Variants in MAML1 observed in about 807,000 individuals in gnomAD.
MAML1 encodes mastermind-like protein 1.
Under a neutral mutation model 77.1 loss-of-function variants are expected in MAML1, and 14 were observed. That is an observed-to-expected ratio of 0.18 (90% CI 0.12 to 0.28). The LOEUF is 0.28. Among genes scored for constraint, MAML1 ranks in the 10% least tolerant of loss-of-function variants. The pLI is 1.00. For synonymous variants in MAML1, 516 were observed against 551.9 expected (o/e 0.93, Z 0.91); for missense variants, 1,217 against 1,327.8 (o/e 0.92, Z 1.30).
intron 2 of MAML1, among the ~76,000 whole-genome samples, chr5:179,767,452 A>G (rs1779842932): frequency 6.6e-6 from 1 of 152,230 alleles, no homozygotes; most frequent in African/African-American, 2.4e-5. Context: ...ATTTGACATT[A>G]TGTATTTTTC....
chr5:179,774,820 G>T lies in MAML1; in HGVS notation c.2994G>T (p.Lys998Asn). 6.2e-7 allele frequency: 1 copy of T among 1,614,072 alleles called. No individual in the cohort carries two copies. The highest frequency in any genetic ancestry group is 8.5e-7 in the Non-Finnish European group (1 of 1,179,982). ...GHTDLIDSLL[K>N]NRTSEEWMSD... ...CCGATCTGATCGACTCCCTGCTGAA[G>T]AACAGGACTTCAGAGGAGTGGATGA... is the stretch of plus-strand genomic sequence containing the variant. The change falls in exon 5 of 5, where the codon AAG (lysine) becomes AAT (asparagine). Residue 998 changes from lysine (K) to asparagine (N), a missense_variant. Lys to Asn is a moderately conservative substitution (Grantham distance 94). Transcript: ENST00000292599.
At chr5:179,736,844 C>T (rs933942069) in intron 1 of MAML1, among the ~76,000 whole-genome samples, 3 of 151,742 alleles carry the variant, frequency 2.0e-5, no homozygotes. Context: ...GCCTGTGGTC[C>T]CAGCTACACG....
At chr5:179,763,734 C>A (rs1319257314) in intron 1 of MAML1, among the ~76,000 whole-genome samples, 1 of 152,134 alleles carries the variant, frequency 6.6e-6, no homozygotes, top group Admixed American at 6.5e-5. Context: ...ACCTGGGCCC[C>A]TGGGGTTGGT....
chr5:179,763,287 AG>A (rs1779755073), intron 1 of MAML1, among the ~76,000 whole-genome samples: 1 of 152,236 alleles, frequency 6.6e-6, no homozygotes, highest in African/African-American at 2.4e-5. Context: ...CTTTTTATAA[AG>A]GGTCTATTTT....
In MAML1 at chr5:179,766,414, T is replaced by C; in HGVS notation, c.1404T>C (p.Pro468=). The C allele has an allele frequency of 6.2e-7, 1 of 1,612,770 alleles. No homozygotes were observed. The highest frequency in any genetic ancestry group is 8.5e-7 in the Non-Finnish European group (1 of 1,179,372). The change falls in exon 2 of 5, where the codon CCT becomes CCC. Residue 468 remains proline (P), a synonymous_variant. Transcript: ENST00000292599. The surrounding 1 kb of genome is among the most constrained non-coding windows in gnomAD (Gnocchi z 4.0). Reference sequence around the variant, plus strand: ...CTAACTCCAAACTGCTCATGATGCCTAGTGTGAATAAGAGTTCCCCTCGGC... The same window carrying C: ...CTAACTCCAAACTGCTCATGATGCCCAGTGTGAATAAGAGTTCCCCTCGGC... ...DFTNSKLLMM[P]SVNKSSPRPG... is the part of the protein sequence containing the mutation.
chr5:179,763,382 TG>T (rs1289589167), intron 1 of MAML1, among the ~76,000 whole-genome samples: 2 of 151,782 alleles, frequency 1.3e-5, no homozygotes, highest in East Asian at 3.9e-4. Context: ...CCTGCAGCTG[TG>T]GGGCGGTGTT....
At chr5:179,736,029 C>G (rs938481888) in intron 1 of MAML1, among the ~76,000 whole-genome samples, 1 of 152,064 alleles carries the variant, frequency 6.6e-6, no homozygotes, top group African/African-American at 2.4e-5. Flanking sequence ...TACTTTAGGT[C>G]GCATCTTTTC....
At chr5:179,742,565 G>A (rs895728458) in intron 1 of MAML1, among the ~76,000 whole-genome samples, 8 of 151,994 alleles carry the variant, frequency 5.3e-5, no homozygotes, top group African/African-American at 1.9e-4. Flanking sequence ...CATTTTGAGA[G>A]GCTGAGGTGG....
Position 179,738,085 on chromosome 5 carries a change from A to G in MAML1, c.315+4658A>G, listed in dbSNP as rs6601069. Among the ~76,000 whole-genome samples the G allele has an allele frequency of 3.2e-3, 482 of 152,346 alleles. 2 individuals are homozygous for G. The highest frequency in any genetic ancestry group is 0.011 in the African/African-American group (466 of 41,576). ...CTTTTTTAACCTTTTATTTGTAAATAATGTCAAACTTAGAGAAAAGCTCTA... is the reference window on the plus strand; with the variant it reads ...CTTTTTTAACCTTTTATTTGTAAATGATGTCAAACTTAGAGAAAAGCTCTA... On this transcript the variant is annotated intron_variant, in intron 1 of 4. Transcript: ENST00000292599.
intron 3 of MAML1, among the ~76,000 whole-genome samples, chr5:179,770,194 A>G (rs987955879): frequency 1.3e-5 from 2 of 152,042 alleles, no homozygotes; most frequent in East Asian, 3.9e-4. Flanking sequence ...CACTCCTATA[A>G]TCCCAGCACT....
chr5:179,768,628 TA>T (rs1195161036), intron 2 of MAML1, among the ~76,000 whole-genome samples: 7 of 152,176 alleles, frequency 4.6e-5, no homozygotes, highest in Non-Finnish European at 8.8e-5. Flanking sequence ...TCACTGGGAG[TA>T]AAACTAACAC....
chr5:179,734,401 A>G (rs1581919479), intron 1 of MAML1, among the ~76,000 whole-genome samples: 1 of 152,216 alleles, frequency 6.6e-6, no homozygotes, highest in East Asian at 1.9e-4. Flanking sequence ...ATGAAGTTCA[A>G]AGTCTTTAGT....
chr5:179,773,773 T>G, intron 4 of MAML1, 122 bp from the exon 5 acceptor site: 11 of 1,501,304 alleles, frequency 7.3e-6, no homozygotes, highest in Non-Finnish European at 9.7e-6. Flanking sequence ...TTCTGCCCCA[T>G]GGCCCCCGGG....
At chr5:179,739,337 A>G (rs1402351285) in intron 1 of MAML1, among the ~76,000 whole-genome samples, 1 of 152,122 alleles carries the variant, frequency 6.6e-6, no homozygotes, top group African/African-American at 2.4e-5. Flanking sequence ...TAGCAATATA[A>G]CAAGACTCCA....
Position 179,765,744 on chromosome 5 carries a change from A to G in MAML1, c.734A>G (p.Asn245Ser), listed in dbSNP as rs996292105. Reference sequence around the variant, plus strand: ...CAAAGCAACCTCATGCCAGACCTCAACCTTAACGAGCAGGAGTGGAAGGAG... The same window carrying G: ...CAAAGCAACCTCATGCCAGACCTCAGCCTTAACGAGCAGGAGTGGAAGGAG... The part of the protein sequence containing the change: ...ISQSNLMPDL[N>S]LNEQEWKELI... Residue 245 changes from asparagine (N) to serine (S), a missense_variant, in exon 2 of 5, where the codon AAC (asparagine) becomes AGC (serine). By Grantham distance (46) the Asn-to-Ser change is conservative (BLOSUM62 1). Transcript: ENST00000292599. The G allele has an allele frequency of 7.4e-6, 12 of 1,613,906 alleles. No homozygotes were observed. The highest frequency in any genetic ancestry group is 4.5e-5 in the East Asian group (2 of 44,874).
In MAML1 at chr5:179,745,445, G is replaced by A. The variant is rs943797837; in HGVS notation, c.315+12018G>A. On this transcript the variant is annotated intron_variant, in intron 1 of 4. Coordinates refer to ENST00000292599, the MANE Select transcript of MAML1 (RefSeq NM_014757.5). The stretch of plus-strand genomic sequence containing the variant: ...AGGAAAGTAATAATGGCTGGGCGCG[G>A]TGGCTCACGCCTGTAATCCCAGCAC... Among the ~76,000 whole-genome samples the A allele has an allele frequency of 4.0e-5, 6 of 151,838 alleles. No individual in the cohort carries two copies. The East Asian group carries it at 1.2e-3, about 30-fold the overall frequency.
intron 1 of MAML1, among the ~76,000 whole-genome samples, chr5:179,734,641 G>A (rs1201666363): frequency 6.6e-6 from 1 of 152,072 alleles, no homozygotes; most frequent in African/African-American, 2.4e-5. Flanking sequence ...ATCGCCCCGT[G>A]TTCTTTCCCT....
chr5:179,766,246 C>G lies in MAML1; in HGVS notation c.1236C>G (p.Leu412=), dbSNP rs193060563. The G allele has an allele frequency of 3.8e-5, 61 of 1,613,784 alleles. 1 individual carries two copies. In the Admixed American group the frequency reaches 4.0e-4, roughly 11 times the overall value. ...CCAAGCAGAAGCGCGAGCAGATGCTCCAGAACCCACAGCAGGCCACCCCGG... is the reference window on the plus strand; with the variant it reads ...CCAAGCAGAAGCGCGAGCAGATGCTGCAGAACCCACAGCAGGCCACCCCGG... The part of the protein sequence containing the change: ...IAAKQKREQM[L]QNPQQATPAP... The change falls in exon 2 of 5, where the codon CTC becomes CTG. Residue 412 remains leucine (L), a synonymous_variant. Coordinates refer to ENST00000292599, the MANE Select transcript of MAML1 (RefSeq NM_014757.5). This position sits in a 1 kb window ranked among gnomAD's most constrained non-coding sequence, Gnocchi z 4.0.
Position 179,776,866 on chromosome 5 carries a change from G to T in MAML1, c.*1989G>T. 1 of 985,942 alleles carries T rather than the reference G, an allele frequency of 1.0e-6. No homozygotes were observed. Among genetic ancestry groups the T allele is most frequent in the South Asian group, 4.7e-5 (1 of 21,294 alleles). The allele number at this position is 985,942 out of a possible 1,614,324, so 61.1% of individuals were successfully genotyped here. A position where few individuals can be genotyped will look rare whatever the true frequency, so the allele number is the denominator to read the frequency against. ...TGCCCATGGCTTTATTTATGAACCT[G>T]GTTTTCGGGAGTCAGGGGAGGAGAT... On this transcript the variant is annotated 3_prime_UTR_variant, in exon 5 of 5. Transcript: ENST00000292599.
Sources: allele counts gnomAD v4.1 joint callset (sites outside exome capture counted in the v4.1 genomes callset), GRCh38; gene constraint gnomAD v4.1.1; non-coding constraint Gnocchi (gnomAD v3.1); transcripts MANE v1.5; gene names NCBI Gene and HGNC (gene_info 2026-07-23, HGNC 2026-07-21).